The following IL23R variants were observed in gnomAD, a reference collection of about 807,000 sequenced individuals.
IL23R encodes the protein interleukin 23 receptor, also known as interleukin-23 receptor.
IL23R carries 34 observed loss-of-function variants against 56.9 expected under a neutral mutation model. The ratio of observed to expected loss-of-function variants is 0.60; its 90% CI spans 0.45 to 0.80. The LOEUF (loss-of-function observed/expected upper bound fraction) is 0.80, where lower values mean the gene tolerates loss of function less well. Among genes scored for constraint, IL23R ranks in the 30% least tolerant of loss-of-function variants. The probability of loss-of-function intolerance (pLI) is 0.00; values close to 1 mark genes in which losing one functional copy is unlikely to be tolerated. For missense variants in IL23R, 635 were observed against 730.0 expected (o/e 0.87, Z 1.50); for synonymous variants, 230 against 249.2 (o/e 0.92, Z 0.73).
chr1:67,253,666 C>A (rs1448152030), intron 9 of IL23R, among the ~76,000 whole-genome samples: 1 of 152,052 alleles, frequency 6.6e-6, no homozygotes. Context: ...GTAAGGAAGG[C>A]AAACTAATAC....
chr1:67,152,561 C>T (rs907750835), intron 1 of IL23R, among the ~76,000 whole-genome samples: 3 of 152,156 alleles, frequency 2.0e-5, no homozygotes, highest in Non-Finnish European at 4.4e-5. Context: ...AGCTTTTACT[C>T]ATTCAGTATG....
chr1:67,177,598 G>A (rs1647028514), intron 3 of IL23R, among the ~76,000 whole-genome samples: 1 of 151,604 alleles, frequency 6.6e-6, no homozygotes, highest in South Asian at 2.1e-4. Context: ...AGTTTCTTTT[G>A]CTGTGCAGAA....
At chr1:67,145,000 C>A (rs1237815419) in intron 1 of IL23R, among the ~76,000 whole-genome samples, 1 of 152,154 alleles carries the variant, frequency 6.6e-6, no homozygotes, top group Non-Finnish European at 1.5e-5. Flanking sequence ...TCCATCTCAG[C>A]CCCCTTTTTC....
chr1:67,192,297 G>A (rs1033522823), intron 4 of IL23R, among the ~76,000 whole-genome samples: 2 of 152,138 alleles, frequency 1.3e-5, no homozygotes, highest in African/African-American at 4.8e-5. Context: ...AGCAGGGGAT[G>A]ACTGAAAGGT....
chr1:67,247,875 C>A (rs1652343669), intron 9 of IL23R, among the ~76,000 whole-genome samples: 1 of 152,126 alleles, frequency 6.6e-6, no homozygotes. Context: ...GCTTATGAAG[C>A]TTAGTTTGGC....
chr1:67,179,475 A>AT (rs1285890337), intron 3 of IL23R, among the ~76,000 whole-genome samples: 1 of 151,916 alleles, frequency 6.6e-6, no homozygotes, highest in African/African-American at 2.4e-5. Flanking sequence ...CCCCTGTATC[A>AT]TTTTTTATTG....
intron 6 of IL23R, among the ~76,000 whole-genome samples, chr1:67,209,285 G>T (rs949405563): frequency 6.6e-6 from 1 of 152,164 alleles, no homozygotes; most frequent in Non-Finnish European, 1.5e-5. Flanking sequence ...GGACAATTGG[G>T]AAGGCATAGT....
chr1:67,163,204 C>T (rs1372508392), upstream of IL23R, among the ~76,000 whole-genome samples: 1 of 152,054 alleles, frequency 6.6e-6, no homozygotes, highest in Non-Finnish European at 1.5e-5. Flanking sequence ...TGTGGTGACT[C>T]ATGCCTGTAA....
intron 4 of IL23R, among the ~76,000 whole-genome samples, chr1:67,184,480 G>C (rs1647220912): frequency 6.6e-6 from 1 of 151,616 alleles, no homozygotes; most frequent in African/African-American, 2.4e-5. Context: ...CAGGAGACAG[G>C]AGCTTGCAGT....
chr1:67,238,053 G>T (rs1211057906), intron 8 of IL23R, among the ~76,000 whole-genome samples: 1 of 151,988 alleles, frequency 6.6e-6, no homozygotes, highest in Non-Finnish European at 1.5e-5. Flanking sequence ...GTGTCGTAAA[G>T]AAACATGAAG....
chr1:67,221,356 G>A (rs1650240795), intron 7 of IL23R, among the ~76,000 whole-genome samples: 1 of 152,096 alleles, frequency 6.6e-6, no homozygotes, highest in Non-Finnish European at 1.5e-5. Flanking sequence ...TCCTAAAAGA[G>A]ACACAAAACA....
At chr1:67,189,389 C>T (rs914970110) in intron 4 of IL23R, among the ~76,000 whole-genome samples, 11 of 152,012 alleles carry the variant, frequency 7.2e-5, no homozygotes, top group African/African-American at 2.7e-4. Flanking sequence ...TTATTTTTCC[C>T]ATCTTCTTTC....
intron 1 of IL23R, 32 bp from the exon 2 acceptor site, chr1:67,168,060 C>A (rs1570773003): frequency 4.2e-6 from 5 of 1,177,872 alleles, no homozygotes; most frequent in Admixed American, 3.4e-5. Flanking sequence ...TAAAATACTA[C>A]AATTTAAACA....
intron 5 of IL23R, among the ~76,000 whole-genome samples, chr1:67,205,065 G>A (rs1648910406): frequency 6.6e-6 from 1 of 152,172 alleles, no homozygotes; most frequent in African/African-American, 2.4e-5. Context: ...ACAGGTGTGA[G>A]CCACTGCGTC....
At chr1:67,206,678 G>GTT (rs200802427) in intron 5 of IL23R, among the ~76,000 whole-genome samples, 13 of 142,534 alleles carry the variant, frequency 9.1e-5, no homozygotes, top group Admixed American at 1.4e-4. Flanking sequence ...TTAGAGTTCA[G>GTT]TTTTTTTTTT....
chr1:67,264,989 C>G, the IL23R span, among the ~76,000 whole-genome samples: 1 of 152,138 alleles, frequency 6.6e-6, no homozygotes, highest in Non-Finnish European at 1.5e-5. Context: ...ATAACTCTTT[C>G]CTGAGATTGT....
chr1:67,187,842 G>T (rs907104924), intron 4 of IL23R, among the ~76,000 whole-genome samples: 3 of 152,066 alleles, frequency 2.0e-5, no homozygotes, highest in Admixed American at 6.5e-5. Context: ...GAGGCAGATG[G>T]ATCACTTGAG....
chr1:67,142,948 A>G (rs1646651351), intron 1 of IL23R, among the ~76,000 whole-genome samples: 2 of 152,172 alleles, frequency 1.3e-5, no homozygotes, highest in Non-Finnish European at 2.9e-5. Context: ...AATCTTCCCT[A>G]TAGGTTTAAG....
At chr1:67,161,590 A>G (rs1210356798), upstream of IL23R, among the ~76,000 whole-genome samples, 3 of 149,720 alleles carry the variant, frequency 2.0e-5, no homozygotes, top group Non-Finnish European at 4.4e-5. Context: ...ACTCCCTTGC[A>G]TATTTTAGAA....
Sources: gnomAD v4.1 joint callset for allele counts (sites outside exome capture counted in the v4.1 genomes callset) on GRCh38, gnomAD v4.1.1 for gene constraint, MANE v1.5 for transcripts, NCBI Gene and HGNC (gene_info 2026-07-23, HGNC 2026-07-21) for gene names.